LAMA3: variants seen among roughly 807,000 people sequenced by gnomAD.
LAMA3 encodes the protein laminin subunit alpha-3.
In LAMA3, 281 loss-of-function variants were observed where a neutral mutation model predicts 402.0. That is an observed-to-expected ratio of 0.70 (90% confidence interval 0.63 to 0.77). LAMA3 has a LOEUF of 0.77. LAMA3 is among the 30% of genes least tolerant of loss of function. The probability of loss-of-function intolerance (pLI) is 0.00; values close to 1 mark genes in which losing one functional copy is unlikely to be tolerated. For missense variants in LAMA3, 3,840 were observed against 4,215.5 expected (o/e 0.91, Z 2.47); for synonymous variants, 1,431 against 1,558.4 (o/e 0.92, Z 1.93).
intron 12 of LAMA3, among the ~76,000 whole-genome samples, chr18:23,789,711 G>A (rs1218414849): frequency 6.6e-6 from 1 of 152,136 alleles, no homozygotes; most frequent in African/African-American, 2.4e-5. Context: ...CTTTTAGGGG[G>A]AACGAAAATG....
intron 39 of LAMA3, among the ~76,000 whole-genome samples, chr18:23,881,180 TC>T (rs1312657253): frequency 2.6e-5 from 4 of 152,218 alleles, no homozygotes; most frequent in African/African-American, 9.6e-5. Context: ...CAAAATTATT[TC>T]ATCTCAACAC....
chr18:23,871,704 T>G, intron 38 of LAMA3, 43 bp downstream of exon 38: 1 of 1,497,220 alleles, frequency 6.7e-7, no homozygotes, highest in South Asian at 1.2e-5. Context: ...AGGGAGCTCC[T>G]GTGGCCGTTT....
intron 57 of LAMA3, 68 bp from the exon 58 acceptor site, chr18:23,914,630 T>G: frequency 1.2e-6 from 2 of 1,605,120 alleles, no homozygotes; most frequent in East Asian, 4.5e-5. Flanking sequence ...AACCCCATTT[T>G]TAGTGGCTTG....
intron 6 of LAMA3, 104 bp from the exon 7 acceptor site, chr18:23,758,292 C>T (rs557590184): frequency 1.4e-5 from 11 of 773,880 alleles, no homozygotes; most frequent in East Asian, 2.7e-5. Flanking sequence ...TGAATGGTGC[C>T]GTGGATGACC....
chr18:23,763,608 A>C, intron 8 of LAMA3, 85 bp downstream of exon 8: 1 of 884,126 alleles, frequency 1.1e-6, no homozygotes, highest in Admixed American at 1.7e-5. Context: ...GATGTCAAGA[A>C]AGTGGCAGGC....
chr18:23,870,461 A>G (rs9958787), intron 37 of LAMA3, among the ~76,000 whole-genome samples: 72,178 of 152,044 alleles, frequency 0.47, 19,285 homozygotes, highest in Non-Finnish European at 0.62. Flanking sequence ...GGATTACCAT[A>G]TGCTCCAGCA....
chr18:23,787,991 A>AT (rs2062578814), intron 12 of LAMA3, among the ~76,000 whole-genome samples: 1 of 152,144 alleles, frequency 6.6e-6, no homozygotes, highest in African/African-American at 2.4e-5. Context: ...ACATACATAA[A>AT]TATGGGGCCT....
rs2063159588 is a variant in LAMA3 at position 23,815,546 on chromosome 18, G to GA, written c.2024dup (p.Ser676GlufsTer12). On this transcript the variant is annotated frameshift_variant, in exon 17 of 75. Coordinates refer to ENST00000313654, the MANE Select transcript of LAMA3 (RefSeq NM_198129.4). LOFTEE classifies it high-confidence loss of function. The stretch of plus-strand genomic sequence containing the variant: ...CTGTGAAGATGGATATTTTGCTTTG[G>GA]AAAAGAGCAATTACTTTGGGTGTCA... The GA allele has an allele frequency of 1.2e-6, 2 of 1,614,038 alleles. No individual in the cohort carries two copies. Among genetic ancestry groups the GA allele is most frequent in the Non-Finnish European group, 1.7e-6 (2 of 1,179,906 alleles).
chr18:23,717,069 T>G (rs1190377369), intron 2 of LAMA3, among the ~76,000 whole-genome samples: 1 of 152,222 alleles, frequency 6.6e-6, no homozygotes, highest in Admixed American at 6.5e-5. Flanking sequence ...GTAGAAAATA[T>G]TCTAAGAAAG....
intron 32 of LAMA3, among the ~76,000 whole-genome samples, chr18:23,853,091 C>T (rs1276919616): frequency 6.6e-6 from 1 of 152,176 alleles, no homozygotes; most frequent in Non-Finnish European, 1.5e-5. Flanking sequence ...AACATGTCCA[C>T]ATCAAGACTG....
At chr18:23,699,729 C>T (rs2060756836) in intron 1 of LAMA3, among the ~76,000 whole-genome samples, 2 of 152,300 alleles carry the variant, frequency 1.3e-5, no homozygotes, top group South Asian at 2.1e-4. Context: ...CTGCCAAACA[C>T]CCCACTGACA....
intron 1 of LAMA3, among the ~76,000 whole-genome samples, chr18:23,708,338 C>T (rs2060928273): frequency 6.6e-6 from 1 of 152,184 alleles, no homozygotes; most frequent in Admixed American, 6.6e-5. Flanking sequence ...TCAGCAATAT[C>T]TTGGTCCTTT....
chr18:23,731,421 G>A (rs1264405482), intron 2 of LAMA3, among the ~76,000 whole-genome samples: 1 of 152,136 alleles, frequency 6.6e-6, no homozygotes, highest in Non-Finnish European at 1.5e-5. Flanking sequence ...TTCTTTGGAG[G>A]ACAGCTGGGG....
At chr18:23,737,081 G>A (rs963030674) in intron 2 of LAMA3, among the ~76,000 whole-genome samples, 7 of 151,156 alleles carry the variant, frequency 4.6e-5, no homozygotes, top group African/African-American at 9.8e-5. Context: ...CCCCAGGCTC[G>A]CTGGGTGTGC....
At chr18:23,828,099 C>T (rs926499961) in intron 23 of LAMA3, among the ~76,000 whole-genome samples, 48 of 152,338 alleles carry the variant, frequency 3.2e-4, no homozygotes, top group African/African-American at 1.1e-3. Flanking sequence ...ATACACAACA[C>T]TTCAAAATGA....
intron 44 of LAMA3, chr18:23,898,481 G>T: frequency 1.9e-6 from 1 of 515,840 alleles, no homozygotes; most frequent in Non-Finnish European, 3.5e-6. Context: ...TTTCTATAAG[G>T]TTAGGTCATT....
rs572952993 is a variant in LAMA3, at chr18:23,842,266, G to A, written c.3337-129G>A. 3 of 1,156,206 alleles carry A rather than the reference G, an allele frequency of 2.6e-6. No individual in the cohort carries two copies. In the East Asian group the frequency reaches 7.2e-5, roughly 28 times the overall value. 71.6% of individuals were successfully genotyped at this position (1,156,206 alleles called of 1,614,324 possible). ...GAAGGCTTCTGGGTGAAGATGGGTT[G>A]TCATTTCACTTTGGTAAATACTTAG... On this transcript the variant is annotated intron_variant, in intron 27 of 74. Transcript: ENST00000313654.
chr18:23,780,320 TGAAGGAAAGAAG>T (rs1362753851), intron 11 of LAMA3, among the ~76,000 whole-genome samples: 2 of 111,592 alleles, frequency 1.8e-5, no homozygotes, highest in Admixed American at 2.2e-4. Context: ...ACAGCCAGGG[TGAAGGAAAGAAG>T]GAAGGAAGAA....
intron 6 of LAMA3, among the ~76,000 whole-genome samples, chr18:23,756,898 C>T (rs2061855536): frequency 6.6e-6 from 1 of 151,474 alleles, no homozygotes; most frequent in East Asian, 2.0e-4. Context: ...CAGTCCCCTC[C>T]AAGCCTCCCC....
Sources: gnomAD v4.1 joint callset for allele counts (sites outside exome capture counted in the v4.1 genomes callset) on GRCh38, gnomAD v4.1.1 for gene constraint, MANE v1.5 for transcripts, NCBI Gene and HGNC (gene_info 2026-07-23, HGNC 2026-07-21) for gene names.